Variants in SGCD observed in about 807,000 individuals in gnomAD.
The protein encoded by SGCD is delta-sarcoglycan.
Under a neutral mutation model 36.6 loss-of-function variants are expected in SGCD, and 18 were observed. The observed-to-expected ratio is 0.49, with a 90% confidence interval of 0.34 to 0.73. The LOEUF is 0.73. Among genes scored for constraint, SGCD ranks in the 30% least tolerant of loss-of-function variants. The pLI is 0.01. For missense variants in SGCD, 387 were observed against 346.7 expected (o/e 1.12, Z -0.92); for synonymous variants, 133 against 130.6 (o/e 1.02, Z -0.12).
At chr5:155,815,620 C>G in the SGCD span, among the ~76,000 whole-genome samples, 2 of 152,090 alleles carry the variant, frequency 1.3e-5, no homozygotes, top group African/African-American at 4.8e-5. Flanking sequence ...AACTTAAAAT[C>G]ATGGTGGAAG....
At chr5:156,737,317 T>C (rs1040362538) in intron 7 of SGCD, among the ~76,000 whole-genome samples, 1 of 152,192 alleles carries the variant, frequency 6.6e-6, no homozygotes, top group Non-Finnish European at 1.5e-5. Flanking sequence ...TGGGAACATC[T>C]ACTCTGCTGC....
intron 4 of SGCD, among the ~76,000 whole-genome samples, chr5:156,524,889 C>T (rs781753753): frequency 1.3e-5 from 2 of 152,008 alleles, no homozygotes; most frequent in Admixed American, 6.6e-5. Flanking sequence ...GGTTCATCCA[C>T]GTTGTTAAAA....
At chr5:156,322,450 G>C (rs935111269), upstream of SGCD, among the ~76,000 whole-genome samples, 6 of 152,134 alleles carry the variant, frequency 3.9e-5, no homozygotes, top group African/African-American at 1.4e-4. Flanking sequence ...CTGGGTCTCT[G>C]CCCTCATGGA....
At chr5:156,179,683 G>A (rs1405628803) in intron 3 of SGCD, among the ~76,000 whole-genome samples, 5 of 149,376 alleles carry the variant, frequency 3.3e-5, no homozygotes, top group South Asian at 2.1e-4. Flanking sequence ...GTGCACTGGC[G>A]TGATCTCGGC....
At chr5:156,130,029 T>G (rs191711072) in intron 3 of SGCD, among the ~76,000 whole-genome samples, 18 of 152,370 alleles carry the variant, frequency 1.2e-4, no homozygotes, top group African/African-American at 3.6e-4. Context: ...CTGGGTCAAA[T>G]GGTAATTCTG....
At chr5:156,589,364 T>A (rs765795537) in intron 5 of SGCD, 46 bp downstream of exon 5, 1 of 1,061,954 alleles carries the variant, frequency 9.4e-7, no homozygotes, top group East Asian at 2.6e-5. Flanking sequence ...TGCGAGGCAC[T>A]CAGAATACAG....
intron 3 of SGCD, among the ~76,000 whole-genome samples, chr5:156,178,727 T>C (rs6890078): frequency 0.63 from 95,657 of 151,390 alleles, 30,807 homozygotes; most frequent in East Asian, 0.94. Context: ...AGGCATGGGC[T>C]ACCATGCCTG....
rs376685989 is a variant in SGCD, at chr5:156,220,296, C to T, written c.-44+96277C>T. Among the ~76,000 whole-genome samples the T allele has an allele frequency of 8.3e-4, 126 of 152,226 alleles. 1 individual carries two copies. In the South Asian group the frequency reaches 0.022, roughly 26 times the overall value. On this transcript the variant is annotated intron_variant, in intron 3 of 9. Transcript: ENST00000517913. ...TACACTTCAGAGTACTAGCAAGGTA[C>T]GTTGGAGTTTGTTCCATTTTGATGT... is the stretch of plus-strand genomic sequence containing the variant.
intron 3 of SGCD, among the ~76,000 whole-genome samples, chr5:156,378,185 C>T (rs766232110): frequency 6.6e-6 from 1 of 152,126 alleles, no homozygotes; most frequent in Non-Finnish European, 1.5e-5. Context: ...TAAATTCTGA[C>T]CTGTTTTGCA....
At chr5:155,762,068 C>T in the SGCD span, among the ~76,000 whole-genome samples, 2 of 152,198 alleles carry the variant, frequency 1.3e-5, no homozygotes, top group East Asian at 3.8e-4. Context: ...CCAATTGCCA[C>T]TAAGTGGCTG....
chr5:156,210,410 G>A (rs1764407779), intron 3 of SGCD, among the ~76,000 whole-genome samples: 1 of 152,004 alleles, frequency 6.6e-6, no homozygotes, highest in East Asian at 1.9e-4. Flanking sequence ...GAAAAACTAA[G>A]GAGACATAAC....
intron 3 of SGCD, among the ~76,000 whole-genome samples, chr5:156,488,562 A>G (rs1278159298): frequency 6.6e-6 from 1 of 152,156 alleles, no homozygotes; most frequent in Non-Finnish European, 1.5e-5. Flanking sequence ...TAGAAAATCT[A>G]TTATTCCAAA....
At chr5:156,727,773 G>T (rs1755851683) in intron 7 of SGCD, among the ~76,000 whole-genome samples, 1 of 152,120 alleles carries the variant, frequency 6.6e-6, no homozygotes. Flanking sequence ...ACCTATCATA[G>T]GACTTAATAG....
At chr5:156,703,787 A>T (rs950655593) in intron 7 of SGCD, among the ~76,000 whole-genome samples, 1 of 152,206 alleles carries the variant, frequency 6.6e-6, no homozygotes, top group African/African-American at 2.4e-5. Flanking sequence ...TATAGATCTT[A>T]TAATTTTCTC....
At chr5:156,270,364 C>G (rs1766143831) in intron 3 of SGCD, among the ~76,000 whole-genome samples, 1 of 151,988 alleles carries the variant, frequency 6.6e-6, no homozygotes, top group South Asian at 2.1e-4. Context: ...TTTTTTGGTT[C>G]CATATGAATT....
rs535003922 is a variant in SGCD, at chr5:156,338,614, C to T, written c.4-5875C>T. ...GGCAGACTTATCACTTTGAAGCTCA[C>T]GTAGCTTCCTTAATTAGATGGACAA... On this transcript the variant is annotated intron_variant, in intron 2 of 8. Coordinates refer to ENST00000337851, the MANE Select transcript of SGCD (RefSeq NM_000337.6). Among the ~76,000 whole-genome samples the T allele has an allele frequency of 3.3e-5, 5 of 152,112 alleles. No homozygotes were observed. The South Asian group carries it at 6.2e-4, about 19-fold the overall frequency.
At chr5:156,413,418 A>G (rs1198242057) in intron 3 of SGCD, among the ~76,000 whole-genome samples, 1 of 152,222 alleles carries the variant, frequency 6.6e-6, no homozygotes, top group Admixed American at 6.5e-5. Flanking sequence ...TAGACTATGA[A>G]GGCATTTCAC....
chr5:156,264,414 T>C (rs1005901486), intron 3 of SGCD, among the ~76,000 whole-genome samples: 2 of 152,066 alleles, frequency 1.3e-5, no homozygotes, highest in African/African-American at 4.8e-5. Flanking sequence ...ATATAGAAAT[T>C]ATATGTGCTG....
intron 1 of SGCD, among the ~76,000 whole-genome samples, chr5:155,979,901 T>C (rs554529860): frequency 1.3e-5 from 2 of 152,318 alleles, no homozygotes; most frequent in East Asian, 3.9e-4. Context: ...TCCACATTCA[T>C]ATGCTGAGAT....
Sources: gnomAD v4.1 joint callset for allele counts (sites outside exome capture counted in the v4.1 genomes callset) on GRCh38, gnomAD v4.1.1 for gene constraint, MANE v1.5 for transcripts, NCBI Gene and HGNC (gene_info 2026-07-23, HGNC 2026-07-21) for gene names.